The following PIK3C3 variants were observed in gnomAD, a reference collection of about 807,000 sequenced individuals.
The protein encoded by PIK3C3 is PI3-kinase type 3.
PIK3C3 carries 95 observed loss-of-function variants against 126.1 expected under a neutral mutation model. The observed-to-expected ratio is 0.75, with a 90% confidence interval of 0.64 to 0.89. PIK3C3 has a LOEUF of 0.89. PIK3C3 is among the 40% of genes least tolerant of loss of function. PIK3C3 has a pLI of 0.00. For missense variants in PIK3C3, 829 were observed against 1,063.2 expected, an observed-to-expected ratio of 0.78 and a Z score of 3.06; for synonymous variants, 374 against 360.0, an observed-to-expected ratio of 1.04 and a Z score of -0.44.
chr18:41,985,315 A>G (rs147163806), intron 4 of PIK3C3, among the ~76,000 whole-genome samples: 76 of 152,316 alleles, frequency 5.0e-4, no homozygotes, highest in African/African-American at 1.7e-3. Flanking sequence ...TAATAGGTAA[A>G]TAGGACAGGC....
chr18:42,041,770 T>C (rs557138551), intron 19 of PIK3C3, among the ~76,000 whole-genome samples: 34 of 152,340 alleles, frequency 2.2e-4, no homozygotes, highest in South Asian at 1.0e-3. Context: ...CTGATTCTTT[T>C]GCAAAGCAAG....
chr18:42,031,140 A>G (rs1265161088), intron 15 of PIK3C3, among the ~76,000 whole-genome samples: 1 of 152,224 alleles, frequency 6.6e-6, no homozygotes, highest in Non-Finnish European at 1.5e-5. Flanking sequence ...ATAGCGCTCT[A>G]CTACCATTAT....
intron 13 of PIK3C3, among the ~76,000 whole-genome samples, chr18:42,023,986 G>A (rs968409373): frequency 7.2e-5 from 11 of 152,130 alleles, no homozygotes; most frequent in Admixed American, 1.3e-4. Flanking sequence ...ACAGAGGGGC[G>A]TTACAGTCTC....
rs111615048 is a variant in PIK3C3 at position 42,063,557 on chromosome 18, C to G, written c.2433-1183C>G. Among the ~76,000 whole-genome samples the G allele has an allele frequency of 2.2e-3, 334 of 152,156 alleles. 2 individuals are homozygous for G. The highest frequency in any genetic ancestry group is 3.5e-3 in the Non-Finnish European group (240 of 68,012). On this transcript the variant is annotated intron_variant, in intron 22 of 24. Coordinates refer to ENST00000262039, the MANE Select transcript of PIK3C3 (RefSeq NM_002647.4). ...AGGGCCTGATTTGATTAGACTACAT[C>G]AAGGTAGAAGTTTTTCATTATAATT... is the stretch of plus-strand genomic sequence containing the variant.
intron 21 of PIK3C3, among the ~76,000 whole-genome samples, chr18:42,056,822 A>G (rs905894474): frequency 6.6e-5 from 10 of 152,258 alleles, no homozygotes; most frequent in Non-Finnish European, 1.2e-4. Context: ...GAACCTTAAG[A>G]GACTATAGGG....
intron 3 of PIK3C3, among the ~76,000 whole-genome samples, chr18:41,964,718 A>G (rs1980269237): frequency 6.6e-6 from 1 of 152,006 alleles, no homozygotes. Context: ...CAATTAAAAA[A>G]CTCAATGTTA....
chr18:42,080,993 T>C (rs1356859883), intron 24 of PIK3C3, 130 bp from the exon 25 acceptor site: 7 of 580,946 alleles, frequency 1.2e-5, no homozygotes, highest in African/African-American at 3.8e-5. Context: ...ATCCTCTTGG[T>C]AGCATTTAGC....
intron 21 of PIK3C3, 121 bp from the exon 22 acceptor site, chr18:42,057,762 G>A: frequency 2.4e-6 from 2 of 841,184 alleles, no homozygotes; most frequent in Non-Finnish European, 3.7e-6. Context: ...AATTTAATAG[G>A]CTTCATCGTG....
chr18:41,960,675 A>G (rs1980033463), intron 2 of PIK3C3, among the ~76,000 whole-genome samples: 1 of 152,122 alleles, frequency 6.6e-6, no homozygotes, highest in African/African-American at 2.4e-5. Context: ...GTGTCTGACT[A>G]GATTTTTCTA....
chr18:42,057,370 T>C (rs1360887046), intron 21 of PIK3C3, among the ~76,000 whole-genome samples: 1 of 152,162 alleles, frequency 6.6e-6, no homozygotes, highest in Non-Finnish European at 1.5e-5. Flanking sequence ...TGATATATTA[T>C]TGTAACTAAA....
chr18:42,072,945 T>TA (rs1305952630), intron 24 of PIK3C3, among the ~76,000 whole-genome samples: 2 of 152,296 alleles, frequency 1.3e-5, no homozygotes, highest in South Asian at 2.1e-4. Context: ...GGTGATCTCT[T>TA]ACACTGCAGT....
intron 2 of PIK3C3, among the ~76,000 whole-genome samples, chr18:41,959,160 A>G (rs1979948263): frequency 6.6e-6 from 1 of 152,210 alleles, no homozygotes; most frequent in East Asian, 1.9e-4. Context: ...TATTACTCTC[A>G]GAAGAGTTAA....
At chr18:42,054,537 C>T (rs891161417) in intron 21 of PIK3C3, among the ~76,000 whole-genome samples, 1 of 152,010 alleles carries the variant, frequency 6.6e-6, no homozygotes, top group Non-Finnish European at 1.5e-5. Context: ...ACTTTGTATC[C>T]TTCAATCCAG....
rs574662947 is a variant in PIK3C3, at chr18:41,963,861, A to G, written c.401+1229A>G. ...TTTTTGAGTTGTCGTTTTCTTATTG[A>G]TATATAAGGAGTCTTTGTAGATGAA... On this transcript the variant is annotated intron_variant, in intron 3 of 24. Transcript: ENST00000262039. Among the ~76,000 whole-genome samples, 4 of 145,524 alleles carry G rather than the reference A, an allele frequency of 2.7e-5. No individual in the cohort carries two copies. The South Asian group carries it at 8.7e-4, about 32-fold the overall frequency.
At position 42,081,109 on chromosome 18, in the gene PIK3C3, T is replaced by G. The variant is rs1444349283; in HGVS notation, c.2650-14T>G. 1 of 1,488,382 alleles carries G rather than the reference T, an allele frequency of 6.7e-7. No homozygotes were observed. Among genetic ancestry groups the G allele is most frequent in the Non-Finnish European group, 9.3e-7 (1 of 1,074,314 alleles). 92.2% of individuals were successfully genotyped at this position (1,488,382 alleles called of 1,614,324 possible). On this transcript the variant is annotated splice_polypyrimidine_tract_variant and intron_variant, in intron 24 of 24. Transcript: ENST00000262039. ...GTAAATTATTTTCTGTTTATTTCTTTTTAATTTTTGTAGTACTGGAGAAAA... is the reference window on the plus strand; with the variant it reads ...GTAAATTATTTTCTGTTTATTTCTTGTTAATTTTTGTAGTACTGGAGAAAA...
rs143493401 is a variant in PIK3C3, at chr18:42,037,739, C to A, written c.1887C>A (p.Gly629=). ...TGTTTTTTAAGACGGAAGATGGAGG[C>A]AAATATCCAGTTATATTTAAGCATG... ...AQLFFKTEDG[G]KYPVIFKHGD... The change falls in exon 17 of 25, where the codon GGC becomes GGA. Residue 629 remains glycine (G), a synonymous_variant. Transcript: ENST00000262039. 3.2e-3 allele frequency: 5,216 copies of A among 1,610,180 alleles called. 214 individuals are homozygous for A. The Admixed American group carries it at 0.075, about 23-fold the overall frequency.
At chr18:42,014,977 A>C (rs1168178276) in intron 11 of PIK3C3, among the ~76,000 whole-genome samples, 1 of 152,172 alleles carries the variant, frequency 6.6e-6, no homozygotes, top group Non-Finnish European at 1.5e-5. Flanking sequence ...GCCATGTAGA[A>C]CGTTTTGTAA....
In PIK3C3 at chr18:42,082,390, T is replaced by C. The variant is rs1021986362; in HGVS notation, c.*1253T>C. ...TACCGGCGAGAGGGCAAGCATGTAATTAAGAGACACTCTAGAGGCATATGG... is the reference window on the plus strand; with the variant it reads ...TACCGGCGAGAGGGCAAGCATGTAACTAAGAGACACTCTAGAGGCATATGG... On this transcript the variant is annotated 3_prime_UTR_variant, in exon 25 of 25. Transcript: ENST00000262039. 1 of 152,138 alleles carries C rather than the reference T, an allele frequency of 6.6e-6. No homozygotes were observed. The highest frequency in any genetic ancestry group is 2.4e-5 in the African/African-American group (1 of 41,432). The allele number at this position is 152,138 out of a possible 1,614,324, so 9.4% of individuals were successfully genotyped here.
chr18:41,957,825 T>A (rs777215179), intron 2 of PIK3C3, 67 bp downstream of exon 2: 2 of 1,210,056 alleles, frequency 1.7e-6, no homozygotes, highest in Admixed American at 2.4e-5. Flanking sequence ...ATGCTGCAAG[T>A]ATAATTTAGT....
Sources: gnomAD v4.1 joint callset for allele counts (sites outside exome capture counted in the v4.1 genomes callset) on GRCh38, gnomAD v4.1.1 for gene constraint, MANE v1.5 for transcripts, NCBI Gene and HGNC (gene_info 2026-07-23, HGNC 2026-07-21) for gene names.